The following SSBP2 variants were observed in gnomAD, a reference collection of about 807,000 sequenced individuals.
The protein encoded by SSBP2 is single stranded DNA binding protein 2.
A neutral mutation model predicts 61.8 loss-of-function variants in SSBP2; 17 were observed. That is an observed-to-expected ratio of 0.28 (90% CI 0.19 to 0.41). SSBP2 has a LOEUF of 0.41. Among genes scored for constraint, SSBP2 ranks in the 10% least tolerant of loss-of-function variants. SSBP2 has a pLI of 1.00. For missense variants in SSBP2, 310 were observed against 458.7 expected (o/e 0.68, Z 2.96); for synonymous variants, 139 against 141.3 (o/e 0.98, Z 0.12).
intron 3 of SSBP2, among the ~76,000 whole-genome samples, chr5:81,634,844 T>C (rs567071953): frequency 6.6e-6 from 1 of 152,378 alleles, no homozygotes; most frequent in Non-Finnish European, 1.5e-5. Context: ...TATATCTACT[T>C]AATGCCTTGG....
chr5:81,728,868 C>T (rs1376604856), intron 1 of SSBP2, among the ~76,000 whole-genome samples: 2 of 152,154 alleles, frequency 1.3e-5, no homozygotes, highest in African/African-American at 4.8e-5. Flanking sequence ...CTATGCAATG[C>T]TATAACCAGT....
At chr5:81,466,177 G>A (rs1203246241) in intron 9 of SSBP2, among the ~76,000 whole-genome samples, 1 of 151,806 alleles carries the variant, frequency 6.6e-6, no homozygotes, top group Non-Finnish European at 1.5e-5. Flanking sequence ...TTTTCTTTAG[G>A]CCACATCATG....
chr5:81,612,530 A>G (rs1745553129), intron 4 of SSBP2, among the ~76,000 whole-genome samples: 1 of 152,098 alleles, frequency 6.6e-6, no homozygotes, highest in South Asian at 2.1e-4. Context: ...ATTTTGGCCT[A>G]TTTTAAATTA....
chr5:81,641,808 A>G (rs890410663), intron 2 of SSBP2, among the ~76,000 whole-genome samples: 6 of 152,224 alleles, frequency 3.9e-5, no homozygotes, highest in African/African-American at 1.4e-4. Context: ...ACAGTGTGCT[A>G]TCATTAAAAA....
intron 1 of SSBP2, among the ~76,000 whole-genome samples, chr5:81,685,126 T>G (rs924388420): frequency 6.6e-6 from 1 of 152,116 alleles, no homozygotes; most frequent in African/African-American, 2.4e-5. Context: ...GGTGCTTGCT[T>G]CCCCTTCACC....
intron 1 of SSBP2, among the ~76,000 whole-genome samples, chr5:81,682,611 A>G (rs1197910108): frequency 6.6e-6 from 1 of 152,182 alleles, no homozygotes; most frequent in African/African-American, 2.4e-5. Flanking sequence ...GGTCATAAAA[A>G]TGTCAAGGAT....
intron 1 of SSBP2, among the ~76,000 whole-genome samples, chr5:81,658,587 C>T (rs978537921): frequency 1.3e-5 from 2 of 151,460 alleles, no homozygotes; most frequent in African/African-American, 2.4e-5. Context: ...TATTTTTTTC[C>T]AAATATTTTT....
intron 12 of SSBP2, among the ~76,000 whole-genome samples, chr5:81,445,896 T>G (rs1763371812): frequency 6.6e-6 from 1 of 152,214 alleles, no homozygotes; most frequent in African/African-American, 2.4e-5. Context: ...TGTTACGGTT[T>G]CAAATGAAAC....
At chr5:81,554,134 T>TA (rs1391355125) in intron 4 of SSBP2, among the ~76,000 whole-genome samples, 3 of 152,092 alleles carry the variant, frequency 2.0e-5, no homozygotes, top group African/African-American at 7.2e-5. Context: ...ACTTGAATAA[T>TA]AAAAATTAGA....
At chr5:81,694,568 A>T (rs1017376374) in intron 1 of SSBP2, among the ~76,000 whole-genome samples, 4 of 152,162 alleles carry the variant, frequency 2.6e-5, no homozygotes, top group Non-Finnish European at 4.4e-5. Context: ...CAGTAAAAGT[A>T]CTTTTTATTT....
chr5:81,570,751 A>T (rs1336396742), intron 4 of SSBP2, among the ~76,000 whole-genome samples: 2 of 152,198 alleles, frequency 1.3e-5, no homozygotes, highest in African/African-American at 4.8e-5. Flanking sequence ...GTGTAGAATT[A>T]CCAGAGGGAA....
In SSBP2 at chr5:81,416,158, G is replaced by A. The variant is rs1372831364; in HGVS notation, c.*4346C>T. 6.6e-6 allele frequency: 1 copy of A among 151,080 alleles called. No individual in the cohort carries two copies. Among genetic ancestry groups the A allele is most frequent in the Non-Finnish European group, 1.5e-5 (1 of 68,030 alleles). 9.4% of individuals were successfully genotyped at this position (151,080 alleles called of 1,614,324 possible). A position where few individuals can be genotyped will look rare whatever the true frequency, so the allele number is the denominator to read the frequency against. On this transcript the variant is annotated 3_prime_UTR_variant, in exon 17 of 17. Transcript: ENST00000320672. ...TGGAACCTGGGAGGCGGAGACGGCA[G>A]TGAGCCAAGATTGTGCCACTGCACT... is the stretch of plus-strand genomic sequence containing the variant.
intron 4 of SSBP2, among the ~76,000 whole-genome samples, chr5:81,575,184 C>T (rs1434888237): frequency 6.6e-6 from 1 of 152,152 alleles, no homozygotes; most frequent in African/African-American, 2.4e-5. Context: ...AGGAGAATCA[C>T]TTGAACTCGG....
intron 6 of SSBP2, among the ~76,000 whole-genome samples, chr5:81,480,033 T>G (rs1765869652): frequency 6.6e-6 from 1 of 152,196 alleles, no homozygotes; most frequent in Non-Finnish European, 1.5e-5. Flanking sequence ...AGTTATACTA[T>G]TCACAAGTAG....
intron 1 of SSBP2, among the ~76,000 whole-genome samples, chr5:81,676,880 A>G (rs1752027559): frequency 6.6e-6 from 1 of 152,174 alleles, no homozygotes; most frequent in Non-Finnish European, 1.5e-5. Context: ...GGAAGGGAAG[A>G]AAGGGAAAAG....
intron 6 of SSBP2, 107 bp from the exon 7 acceptor site, chr5:81,474,669 T>G: frequency 1.3e-6 from 1 of 768,480 alleles, no homozygotes; most frequent in Non-Finnish European, 2.0e-6. Context: ...AAGAATGCAT[T>G]TGAGTATTTC....
chr5:81,622,704 G>A (rs1253510728), intron 3 of SSBP2, among the ~76,000 whole-genome samples: 3 of 152,132 alleles, frequency 2.0e-5, no homozygotes, highest in Non-Finnish European at 4.4e-5. Flanking sequence ...CACACGATGA[G>A]GATACAACAA....
intron 4 of SSBP2, among the ~76,000 whole-genome samples, chr5:81,519,029 C>T (rs1020522209): frequency 1.3e-5 from 2 of 152,018 alleles, no homozygotes; most frequent in Non-Finnish European, 2.9e-5. Context: ...AGTTTTACAT[C>T]TCTATTCTCA....
chr5:81,713,601 C>A (rs1364991181), intron 1 of SSBP2, among the ~76,000 whole-genome samples: 1 of 152,128 alleles, frequency 6.6e-6, no homozygotes, highest in Non-Finnish European at 1.5e-5. Flanking sequence ...GCCAATAAAA[C>A]AGCCTACCAG....
Sources: gnomAD v4.1 joint callset for allele counts (sites outside exome capture counted in the v4.1 genomes callset) on GRCh38, gnomAD v4.1.1 for gene constraint, MANE v1.5 for transcripts, NCBI Gene and HGNC (gene_info 2026-07-23, HGNC 2026-07-21) for gene names.